CTNNA3: variants seen among roughly 807,000 people sequenced by gnomAD.
The protein encoded by CTNNA3 is catenin alpha 3, also known as catenin alpha-3.
In CTNNA3, 76 loss-of-function variants were observed where a neutral mutation model predicts 95.7. That is an observed-to-expected ratio of 0.79 (90% CI 0.66 to 0.96). CTNNA3 has a LOEUF of 0.96. Among genes scored for constraint, CTNNA3 ranks in the 40% least tolerant of loss-of-function variants. The pLI, the probability that CTNNA3 is intolerant of heterozygous loss-of-function variation, is 0.00. For missense variants in CTNNA3, 1,191 were observed against 1,089.8 expected, an observed-to-expected ratio of 1.09 and a Z score of -1.31; for synonymous variants, 431 against 374.4, an observed-to-expected ratio of 1.15 and a Z score of -1.74.
At chr10:67,630,642 C>T (rs746193568) in intron 2 of CTNNA3, among the ~76,000 whole-genome samples, 18 of 151,948 alleles carry the variant, frequency 1.2e-4, no homozygotes, top group Non-Finnish European at 1.6e-4. Context: ...AGGTGGGAGA[C>T]ACTATGGAGG....
At chr10:66,143,871 C>T (rs888438626) in intron 13 of CTNNA3, among the ~76,000 whole-genome samples, 4 of 152,050 alleles carry the variant, frequency 2.6e-5, no homozygotes, top group African/African-American at 9.7e-5. Context: ...AACTTTAAAC[C>T]ATATGACATT....
At chr10:67,042,980 C>A (rs1254184757) in intron 7 of CTNNA3, among the ~76,000 whole-genome samples, 1 of 152,056 alleles carries the variant, frequency 6.6e-6, no homozygotes, top group African/African-American at 2.4e-5. Context: ...GGTCTCCATA[C>A]CTGAGGAATC....
At chr10:66,490,167 C>T (rs1471226256) in intron 11 of CTNNA3, among the ~76,000 whole-genome samples, 2 of 152,106 alleles carry the variant, frequency 1.3e-5, no homozygotes, top group African/African-American at 4.8e-5. Context: ...TGGACACAGC[C>T]ATAACCTCTG....
chr10:66,776,202 T>C (rs902714458), intron 7 of CTNNA3, among the ~76,000 whole-genome samples: 13 of 152,184 alleles, frequency 8.5e-5, no homozygotes, highest in African/African-American at 2.7e-4. Context: ...TTTCTACATA[T>C]TATTTTTGTG....
intron 7 of CTNNA3, among the ~76,000 whole-genome samples, chr10:66,946,778 C>G (rs1168423082): frequency 2.6e-5 from 4 of 152,056 alleles, no homozygotes; most frequent in African/African-American, 9.7e-5. Flanking sequence ...CACCCAGGCA[C>G]ACACATAGAA....
intron 3 of CTNNA3, among the ~76,000 whole-genome samples, chr10:67,543,895 AAG>A (rs1479766620): frequency 6.6e-6 from 1 of 152,138 alleles, no homozygotes; most frequent in Non-Finnish European, 1.5e-5. Context: ...TTTGGCAGGG[AAG>A]AGAGGAGGAT....
At chr10:66,018,413 T>A (rs565174142) in intron 15 of CTNNA3, among the ~76,000 whole-genome samples, 243 of 152,180 alleles carry the variant, frequency 1.6e-3, no homozygotes, top group Non-Finnish European at 2.4e-3. Flanking sequence ...GCATTGTAAA[T>A]TTTTTCTTAA....
rs79364295 is a variant in CTNNA3 at position 66,715,453 on chromosome 10, C to A, written c.1281+50811G>T. ...ACTCCTAGATATGCAGGACCCAAAG[C>A]AATAGTAGAAAGGGAGGCCTACATA... On this transcript the variant is annotated intron_variant, in intron 9 of 17. Transcript: ENST00000433211. Among the ~76,000 whole-genome samples, 178 of 152,030 alleles carry A rather than the reference C, an allele frequency of 1.2e-3. 1 individual carries two copies. Among genetic ancestry groups the A allele is most frequent in the Middle Eastern group, 0.01 (3 of 294 alleles).
chr10:67,643,176 A>G (rs1564804497), intron 2 of CTNNA3, among the ~76,000 whole-genome samples: 1 of 152,228 alleles, frequency 6.6e-6, no homozygotes. Context: ...TTGTAGGGAC[A>G]TGGATGGAGT....
chr10:67,107,517 A>C (rs1423741095), intron 7 of CTNNA3, among the ~76,000 whole-genome samples: 2 of 152,210 alleles, frequency 1.3e-5, no homozygotes, highest in African/African-American at 4.8e-5. Context: ...CTCCAACAAA[A>C]TACTGTTTGG....
rs192021575 is a variant in CTNNA3, at chr10:66,577,072, A to T, written c.1374+44620T>A. 2.0e-5 allele frequency among the ~76,000 whole-genome samples: 3 copies of T among 150,294 alleles called. No homozygotes were observed. In the East Asian group the frequency reaches 5.8e-4, roughly 29 times the overall value. ...TCATAGTTTGAAATTTAATTTCTCT[A>T]GTGATTAGTCATAATGAACATTTTT... On this transcript the variant is annotated intron_variant, in intron 10 of 17. Coordinates refer to ENST00000433211, the MANE Select transcript of CTNNA3 (RefSeq NM_013266.4).
At chr10:67,261,501 A>T (rs1181099871) in intron 5 of CTNNA3, among the ~76,000 whole-genome samples, 6 of 152,186 alleles carry the variant, frequency 3.9e-5, no homozygotes, top group Non-Finnish European at 8.8e-5. Context: ...AGGCATCTTA[A>T]TGTGAAAACT....
At chr10:66,090,117 T>C (rs939054161) in intron 14 of CTNNA3, among the ~76,000 whole-genome samples, 1 of 152,130 alleles carries the variant, frequency 6.6e-6, no homozygotes, top group African/African-American at 2.4e-5. Flanking sequence ...TCTTTTCTTC[T>C]GAGCTGCAGT....
At chr10:66,188,129 A>C (rs558883964) in intron 13 of CTNNA3, among the ~76,000 whole-genome samples, 1 of 152,274 alleles carries the variant, frequency 6.6e-6, no homozygotes, top group African/African-American at 2.4e-5. Flanking sequence ...CCAGATTTAA[A>C]TGGAGAGAAA....
At chr10:67,388,660 G>C (rs1178632257) in intron 5 of CTNNA3, among the ~76,000 whole-genome samples, 8 of 151,220 alleles carry the variant, frequency 5.3e-5, no homozygotes, top group African/African-American at 1.7e-4. Flanking sequence ...CAGCCAGAGA[G>C]AAAGGTCGGG....
intron 9 of CTNNA3, among the ~76,000 whole-genome samples, chr10:66,724,396 C>G (rs1034709912): frequency 4.6e-5 from 7 of 152,088 alleles, no homozygotes; most frequent in Admixed American, 2.0e-4. Context: ...TCTTTATGCC[C>G]ACAGGGAATA....
chr10:66,312,772 C>T (rs2092041630), intron 12 of CTNNA3, among the ~76,000 whole-genome samples: 2 of 152,096 alleles, frequency 1.3e-5, no homozygotes, highest in African/African-American at 4.8e-5. Context: ...ATCTCAATCT[C>T]CTGACCTCGT....
intron 17 of CTNNA3, among the ~76,000 whole-genome samples, chr10:65,951,493 T>C (rs2077611684): frequency 6.6e-6 from 1 of 152,104 alleles, no homozygotes; most frequent in Admixed American, 6.5e-5. Context: ...GAATCCAGAA[T>C]CATTAAATCA....
chr10:66,897,152 A>C (rs557775394), intron 7 of CTNNA3, among the ~76,000 whole-genome samples: 1 of 152,182 alleles, frequency 6.6e-6, no homozygotes, highest in Non-Finnish European at 1.5e-5. Context: ...AAAATGAGAA[A>C]TATTACTAAA....
Sources: allele counts gnomAD v4.1 joint callset (sites outside exome capture counted in the v4.1 genomes callset), GRCh38; gene constraint gnomAD v4.1.1; transcripts MANE v1.5; gene names NCBI Gene and HGNC (gene_info 2026-07-23, HGNC 2026-07-21).